The following CSMD1 variants were observed in gnomAD, a reference collection of about 807,000 sequenced individuals.
CSMD1 encodes CUB and sushi domain-containing protein 1.
In CSMD1, 213 loss-of-function variants were observed where a neutral mutation model predicts 417.5. The ratio of observed to expected loss-of-function variants is 0.51; its 90% CI spans 0.46 to 0.57. The LOEUF (loss-of-function observed/expected upper bound fraction) is 0.57. CSMD1 is among the 20% of genes least tolerant of loss of function. The pLI, the probability that CSMD1 is intolerant of heterozygous loss-of-function variation, is 0.00. For synonymous variants in CSMD1, 2,862 were observed against 1,736.8 expected, an observed-to-expected ratio of 1.65 and a Z score of -16.11; for missense variants, 6,923 against 4,529.7, an observed-to-expected ratio of 1.53 and a Z score of -15.17.
At chr8:3,959,968 G>T (rs150058487) in intron 5 of CSMD1, among the ~76,000 whole-genome samples, 2 of 152,138 alleles carry the variant, frequency 1.3e-5, no homozygotes, top group African/African-American at 2.4e-5. Flanking sequence ...GAACATTTAC[G>T]AAATAACAAA....
At chr8:4,111,650 T>A (rs1801862374) in intron 3 of CSMD1, among the ~76,000 whole-genome samples, 1 of 152,204 alleles carries the variant, frequency 6.6e-6, no homozygotes, top group Non-Finnish European at 1.5e-5. Flanking sequence ...GCCATTATCT[T>A]CAGCAAATTC....
intron 5 of CSMD1, among the ~76,000 whole-genome samples, chr8:3,864,978 T>C (rs1804981733): frequency 6.6e-6 from 1 of 152,234 alleles, no homozygotes; most frequent in African/African-American, 2.4e-5. Context: ...TTTGGCAGCA[T>C]GACATCATCT....
At chr8:4,040,503 C>G (rs781379080) in intron 3 of CSMD1, among the ~76,000 whole-genome samples, 2 of 152,160 alleles carry the variant, frequency 1.3e-5, no homozygotes, top group African/African-American at 2.4e-5. Context: ...AAAACTCTTT[C>G]ATATGAAAAT....
intron 26 of CSMD1, among the ~76,000 whole-genome samples, chr8:3,252,575 A>T (rs1183298178): frequency 6.6e-6 from 1 of 152,236 alleles, no homozygotes; most frequent in Non-Finnish European, 1.5e-5. Context: ...TGCTGGCCTC[A>T]TAAAATGAGT....
chr8:4,411,232 T>A (rs923167239), intron 3 of CSMD1, among the ~76,000 whole-genome samples: 20 of 152,188 alleles, frequency 1.3e-4, no homozygotes, highest in African/African-American at 4.8e-4. Flanking sequence ...TATTAATTAA[T>A]ACATATTTTG....
chr8:3,593,847 T>C (rs572565877), intron 8 of CSMD1, among the ~76,000 whole-genome samples: 44 of 152,282 alleles, frequency 2.9e-4, no homozygotes, highest in African/African-American at 1.0e-3. Context: ...TCTCTCTTTC[T>C]CTATTTTTCT....
intron 3 of CSMD1, among the ~76,000 whole-genome samples, chr8:4,304,094 T>G (rs1207240502): frequency 6.6e-6 from 1 of 152,184 alleles, no homozygotes; most frequent in Admixed American, 6.6e-5. Flanking sequence ...ACCATTGTGT[T>G]GTCTTATAAA....
intron 3 of CSMD1, among the ~76,000 whole-genome samples, chr8:4,301,030 T>G (rs533959147): frequency 6.6e-6 from 1 of 152,060 alleles, no homozygotes; most frequent in Non-Finnish European, 1.5e-5. Flanking sequence ...ATGATAAGAT[T>G]AGGAAACAAA....
At chr8:3,500,507 A>C (rs1796555440) in intron 10 of CSMD1, among the ~76,000 whole-genome samples, 1 of 152,196 alleles carries the variant, frequency 6.6e-6, no homozygotes. Flanking sequence ...GGCACGTGAA[A>C]AGAAGAGGAA....
At chr8:4,007,539 C>G (rs114715006) in intron 4 of CSMD1, among the ~76,000 whole-genome samples, 1 of 152,176 alleles carries the variant, frequency 6.6e-6, no homozygotes, top group Non-Finnish European at 1.5e-5. Context: ...TAGATTGCTT[C>G]CCACCTCTCC....
chr8:3,308,877 C>A (rs975000839), intron 23 of CSMD1, among the ~76,000 whole-genome samples: 1 of 151,926 alleles, frequency 6.6e-6, no homozygotes, highest in African/African-American at 2.4e-5. Context: ...GTGCCTGCCA[C>A]CATGTCCAGC....
Position 3,387,817 on chromosome 8 carries a change from C to T in CSMD1, c.2594-135G>A, listed in dbSNP as rs1359417192. On this transcript the variant is annotated intron_variant, in intron 17 of 69. Coordinates refer to ENST00000635120, the MANE Select transcript of CSMD1 (RefSeq NM_033225.6). ...ACATTATGCAAGTGAACCCAACAAT[C>T]CATGGACATAAAAGCCAATGCATCT... The T allele has an allele frequency of 2.3e-5, 16 of 707,664 alleles. No homozygotes were observed. In the Admixed American group the frequency reaches 3.1e-4, roughly 14 times the overall value. 43.8% of individuals were successfully genotyped at this position (707,664 alleles called of 1,614,324 possible).
intron 29 of CSMD1, among the ~76,000 whole-genome samples, chr8:3,216,659 A>G (rs1308830645): frequency 6.6e-6 from 1 of 152,176 alleles, no homozygotes; most frequent in East Asian, 1.9e-4. Flanking sequence ...AATCACTGGC[A>G]CATTTTTTGC....
At chr8:4,208,324 A>T (rs1361903907) in intron 3 of CSMD1, among the ~76,000 whole-genome samples, 1 of 152,202 alleles carries the variant, frequency 6.6e-6, no homozygotes, top group African/African-American at 2.4e-5. Flanking sequence ...AAATAAAAGC[A>T]AATCAGGTCT....
At chr8:4,326,424 T>A (rs998629983) in intron 3 of CSMD1, among the ~76,000 whole-genome samples, 1 of 152,086 alleles carries the variant, frequency 6.6e-6, no homozygotes, top group African/African-American at 2.4e-5. Context: ...GGAAAACCAA[T>A]TAGGCAGCTA....
chr8:3,759,283 A>G (rs896473967), intron 5 of CSMD1, among the ~76,000 whole-genome samples: 4 of 152,176 alleles, frequency 2.6e-5, no homozygotes, highest in African/African-American at 9.7e-5. Context: ...CGGCCTGTTA[A>G]TCAGAATGAT....
intron 1 of CSMD1, among the ~76,000 whole-genome samples, chr8:4,954,021 C>A (rs1443234634): frequency 6.6e-6 from 1 of 152,118 alleles, no homozygotes; most frequent in Non-Finnish European, 1.5e-5. Flanking sequence ...TTACCCTTCC[C>A]ACCCACCTGT....
chr8:4,417,363 G>C (rs1400520180), intron 3 of CSMD1, among the ~76,000 whole-genome samples: 3 of 151,920 alleles, frequency 2.0e-5, no homozygotes, highest in African/African-American at 7.2e-5. Context: ...GACAACAGTT[G>C]AGTTTGGTGT....
intron 5 of CSMD1, among the ~76,000 whole-genome samples, chr8:3,940,893 C>CG (rs755178781): frequency 1.3e-4 from 20 of 150,176 alleles, no homozygotes; most frequent in East Asian, 1.2e-3. Context: ...CCCTTCTCCC[C>CG]CCGAGATTAT....
Sources: gnomAD v4.1 joint callset for allele counts (sites outside exome capture counted in the v4.1 genomes callset) on GRCh38, gnomAD v4.1.1 for gene constraint, MANE v1.5 for transcripts, NCBI Gene and HGNC (gene_info 2026-07-23, HGNC 2026-07-21) for gene names.